SESTD1: variants seen among roughly 807,000 people sequenced by gnomAD.
SESTD1 encodes the protein SEC14 and spectrin domain containing 1.
In SESTD1, 43 loss-of-function variants were observed where a neutral mutation model predicts 101.7. The observed-to-expected ratio is 0.42, with a 90% confidence interval of 0.33 to 0.55. The LOEUF is 0.55. Among genes scored for constraint, SESTD1 ranks in the 20% least tolerant of loss-of-function variants. The pLI is 0.07. For synonymous variants in SESTD1, 283 were observed against 286.8 expected, an observed-to-expected ratio of 0.99 and a Z score of 0.13; for missense variants, 647 against 815.1, an observed-to-expected ratio of 0.79 and a Z score of 2.51.
At chr2:179,151,203 G>T in intron 6 of SESTD1, 75 bp downstream of exon 6, 2 of 977,944 alleles carry the variant, frequency 2.0e-6, no homozygotes, top group Non-Finnish European at 2.8e-6. Flanking sequence ...TATTTTAATA[G>T]ACTAAAATGA....
In SESTD1 at chr2:179,207,090, C is replaced by T. The variant is rs1216253681; in HGVS notation, c.-25-15224G>A. ...GGAGCTCAGACTAGTCTAACCCTGC[C>T]GATGGTTTTGCTCTATCTGCCCTGG... On this transcript the variant is annotated intron_variant, in intron 1 of 17. Coordinates refer to ENST00000428443, the MANE Select transcript of SESTD1 (RefSeq NM_178123.5). Among the ~76,000 whole-genome samples the T allele has an allele frequency of 2.2e-5, 3 of 133,438 alleles. 1 individual carries two copies. Among genetic ancestry groups the T allele is most frequent in the Non-Finnish European group, 4.8e-5 (3 of 62,298 alleles). The allele number at this position is 133,438 out of a possible 152,430, so 87.5% of individuals were successfully genotyped here.
chr2:179,258,939 A>C (rs886514927), intron 1 of SESTD1, among the ~76,000 whole-genome samples: 1 of 152,164 alleles, frequency 6.6e-6, no homozygotes, highest in African/African-American at 2.4e-5. Context: ...CTCATCCAAC[A>C]CTGGCTTAGT....
At chr2:179,234,771 G>A (rs1482137231) in intron 1 of SESTD1, among the ~76,000 whole-genome samples, 2 of 151,894 alleles carry the variant, frequency 1.3e-5, no homozygotes, top group Admixed American at 1.3e-4. Context: ...AACTCAAATG[G>A]CAAAAATATT....
At chr2:179,205,029 A>G (rs949178846) in intron 1 of SESTD1, among the ~76,000 whole-genome samples, 1 of 134,710 alleles carries the variant, frequency 7.4e-6, no homozygotes, top group African/African-American at 2.9e-5. Context: ...TATTTTTTTG[A>G]ACTTATTTCT....
intron 1 of SESTD1, among the ~76,000 whole-genome samples, chr2:179,242,018 A>C (rs1388878790): frequency 6.6e-6 from 1 of 152,136 alleles, no homozygotes; most frequent in Non-Finnish European, 1.5e-5. Flanking sequence ...GTAAGAAAAG[A>C]AGTCAAATTA....
At chr2:179,117,902 CA>C (rs1015347925) in intron 13 of SESTD1, among the ~76,000 whole-genome samples, 5 of 151,500 alleles carry the variant, frequency 3.3e-5, no homozygotes, top group Non-Finnish European at 7.4e-5. Context: ...CACTAAAACC[CA>C]AAAAAAATCT....
intron 12 of SESTD1, 116 bp from the exon 13 acceptor site, chr2:179,122,045 G>A: frequency 1.1e-6 from 1 of 911,172 alleles, no homozygotes; most frequent in South Asian, 2.8e-5. Flanking sequence ...GCTTTGTACA[G>A]TAAACCACCT....
chr2:179,146,369 GGATT>G, intron 8 of SESTD1, 29 bp downstream of exon 8: 3 of 1,545,228 alleles, frequency 1.9e-6, no homozygotes, highest in Non-Finnish European at 2.7e-6. Flanking sequence ...TTGGTTTACT[GGATT>G]ATTATCACAA....
At chr2:179,121,666 A>G (rs565594665) in intron 13 of SESTD1, 104 bp downstream of exon 13, 9 of 950,768 alleles carry the variant, frequency 9.5e-6, no homozygotes, top group African/African-American at 5.1e-5. Flanking sequence ...TGTCTTCTAT[A>G]TAACAGTTAA....
chr2:179,142,986 T>C (rs986430386), intron 9 of SESTD1, among the ~76,000 whole-genome samples: 1 of 152,206 alleles, frequency 6.6e-6, no homozygotes, highest in African/African-American at 2.4e-5. Context: ...GTTTGCATTT[T>C]TAAATAAAAT....
intron 4 of SESTD1, chr2:179,174,514 G>A (rs976362089): frequency 4.5e-6 from 2 of 446,010 alleles, no homozygotes; most frequent in Non-Finnish European, 4.5e-6. Context: ...CATAATTAAT[G>A]GATTTCTTAC....
chr2:179,132,903 C>G (rs193251170), intron 9 of SESTD1, among the ~76,000 whole-genome samples: 3 of 152,316 alleles, frequency 2.0e-5, no homozygotes, highest in Non-Finnish European at 4.4e-5. Flanking sequence ...TGTTCTAACT[C>G]ATAGTCTAAT....
chr2:179,212,736 A>C lies in SESTD1; in HGVS notation c.-25-20870T>G, dbSNP rs1282888081. 1.5e-5 allele frequency among the ~76,000 whole-genome samples: 2 copies of C among 135,028 alleles called. 1 individual carries two copies. The highest frequency in any genetic ancestry group is 3.2e-5 in the Non-Finnish European group (2 of 62,736). 88.6% of individuals were successfully genotyped at this position (135,028 alleles called of 152,430 possible). A position where few individuals can be genotyped will look rare whatever the true frequency, so the allele number is the denominator to read the frequency against. On this transcript the variant is annotated intron_variant, in intron 1 of 17. Coordinates refer to ENST00000428443, the MANE Select transcript of SESTD1 (RefSeq NM_178123.5). The stretch of plus-strand genomic sequence containing the variant: ...ACCTAACTGGGAGACACCTCCCAGT[A>C]GCAGCCCAAAGACACCTTGTACAGG...
At chr2:179,182,554 T>C (rs1453348423) in intron 3 of SESTD1, among the ~76,000 whole-genome samples, 2 of 152,018 alleles carry the variant, frequency 1.3e-5, no homozygotes, top group African/African-American at 4.8e-5. Flanking sequence ...AAGTCATGGG[T>C]AGACTAGGAC....
chr2:179,167,156 T>A (rs193243065), intron 5 of SESTD1, among the ~76,000 whole-genome samples: 2 of 152,214 alleles, frequency 1.3e-5, no homozygotes, highest in Non-Finnish European at 2.9e-5. Flanking sequence ...AAAAATAACA[T>A]GCAAGGACAG....
chr2:179,112,455 T>C (rs912821940), intron 17 of SESTD1, among the ~76,000 whole-genome samples: 11 of 152,366 alleles, frequency 7.2e-5, no homozygotes, highest in African/African-American at 2.2e-4. Flanking sequence ...CCCACCATCA[T>C]AGCCAAGGCT....
chr2:179,121,717 T>G, intron 13 of SESTD1, 53 bp downstream of exon 13: 1 of 1,441,486 alleles, frequency 6.9e-7, no homozygotes. Context: ...TAACTTCATT[T>G]TAACTAATAT....
intron 1 of SESTD1, among the ~76,000 whole-genome samples, chr2:179,200,767 C>T (rs201622244): frequency 1.5e-5 from 2 of 134,238 alleles, no homozygotes; most frequent in Admixed American, 1.4e-4. Context: ...ATACAAAAAT[C>T]AATTCAAGAT....
At chr2:179,168,504 G>T (rs1367091542) in intron 5 of SESTD1, among the ~76,000 whole-genome samples, 1 of 151,702 alleles carries the variant, frequency 6.6e-6, no homozygotes, top group Non-Finnish European at 1.5e-5. Context: ...CAGGTCAACG[G>T]CATGATTAAA....
Sources: allele counts gnomAD v4.1 joint callset (sites outside exome capture counted in the v4.1 genomes callset), GRCh38; gene constraint gnomAD v4.1.1; transcripts MANE v1.5; gene names NCBI Gene and HGNC (gene_info 2026-07-23, HGNC 2026-07-21).